IPO7: variants seen among roughly 807,000 people sequenced by gnomAD.
IPO7 encodes the protein importin 7.
IPO7 carries 13 observed loss-of-function variants against 136.4 expected under a neutral mutation model. The ratio of observed to expected loss-of-function variants is 0.10; its 90% confidence interval spans 0.06 to 0.15. IPO7 has a LOEUF of 0.15. Ranked by LOEUF, IPO7 falls within the 10% of genes least tolerant of loss-of-function variation. The pLI is 1.00. For synonymous variants in IPO7, 403 were observed against 404.4 expected, an observed-to-expected ratio of 1.00 and a Z score of 0.04; for missense variants, 857 against 1,240.6, an observed-to-expected ratio of 0.69 and a Z score of 4.65.
At chr11:9,414,207 A>C (rs377622731) in intron 4 of IPO7, 48 bp from the exon 5 acceptor site, 1 of 1,372,668 alleles carries the variant, frequency 7.3e-7, no homozygotes, top group African/African-American at 1.5e-5. Flanking sequence ...TATATATACA[A>C]TTGTGGAAAT....
intron 24 of IPO7, among the ~76,000 whole-genome samples, chr11:9,444,193 G>A (rs1007312695): frequency 6.0e-5 from 9 of 149,948 alleles, no homozygotes; most frequent in African/African-American, 2.0e-4. Context: ...CAGGAGAATC[G>A]CTCGAACCTG....
rs750016021 is a variant in IPO7, at chr11:9,438,006, G to T, written c.2489+32G>T. The stretch of plus-strand genomic sequence containing the variant: ...GATGTATTGCAATTTTACTACATTT[G>T]CTTTGGGAGGAACTCTGCTTATTTA... On this transcript the variant is annotated intron_variant, in intron 21 of 24. Transcript: ENST00000379719. The T allele has an allele frequency of 1.7e-5, 26 of 1,540,304 alleles. No homozygotes were observed. The Middle Eastern group carries it at 5.5e-4, about 33-fold the overall frequency.
At chr11:9,422,133 G>T (rs1410814237) in intron 8 of IPO7, among the ~76,000 whole-genome samples, 1 of 152,038 alleles carries the variant, frequency 6.6e-6, no homozygotes, top group Non-Finnish European at 1.5e-5. Context: ...TACAAAATCA[G>T]CCAGGTGTGG....
intron 1 of IPO7, among the ~76,000 whole-genome samples, chr11:9,387,503 C>G (rs541046782): frequency 5.1e-4 from 78 of 152,298 alleles, no homozygotes; most frequent in African/African-American, 1.8e-3. Context: ...CTCTATAGCA[C>G]TGATTTGTCA....
intron 6 of IPO7, 76 bp from the exon 7 acceptor site, chr11:9,420,335 T>C (rs1855109315): frequency 3.2e-6 from 3 of 934,014 alleles, no homozygotes; most frequent in Non-Finnish European, 5.0e-6. Flanking sequence ...TTCACATTTT[T>C]GTCAATCTAT....
At chr11:9,414,765 A>T (rs368162731) in intron 5 of IPO7, among the ~76,000 whole-genome samples, 2 of 150,190 alleles carry the variant, frequency 1.3e-5, no homozygotes, top group African/African-American at 4.9e-5. Flanking sequence ...AGCTGGGATT[A>T]CAGGCACGTG....
intron 6 of IPO7, among the ~76,000 whole-genome samples, chr11:9,417,963 T>C (rs1036057621): frequency 6.6e-6 from 1 of 150,658 alleles, no homozygotes; most frequent in Non-Finnish European, 1.5e-5. Context: ...TCCGCCCACC[T>C]TGGCCTCCCA....
chr11:9,420,421 A>G lies in IPO7; in HGVS notation c.737A>G (p.Gln246Arg). Residue 246 changes from glutamine to arginine, a missense_variant, in exon 7 of 25, where the codon CAA (glutamine) becomes CGA (arginine). Gln to Arg is a conservative substitution (Grantham distance 43, BLOSUM62 1). Transcript: ENST00000379719. ...AGTGTCTTTTTAAAGGAAACACTTC[A>G]AGTTGAAGAAGATGATCGACCTGAG... is the stretch of plus-strand genomic sequence containing the variant. ...VNRDVPNETL[Q>R]VEEDDRPELP... is the part of the protein sequence containing the mutation. The G allele has an allele frequency of 1.9e-6, 3 of 1,606,478 alleles. No individual in the cohort carries two copies. The highest frequency in any genetic ancestry group is 2.6e-6 in the Non-Finnish European group (3 of 1,174,846).
chr11:9,441,363 T>TTG (rs1004306994), intron 23 of IPO7, among the ~76,000 whole-genome samples: 8 of 152,228 alleles, frequency 5.3e-5, no homozygotes, highest in African/African-American at 1.7e-4. Flanking sequence ...GGTATAGCAT[T>TTG]TGTGTTTTAC....
At chr11:9,432,201 CTT>C (rs557417149) in intron 16 of IPO7, among the ~76,000 whole-genome samples, 22 of 134,778 alleles carry the variant, frequency 1.6e-4, no homozygotes, top group Non-Finnish European at 1.1e-4. Flanking sequence ...TTTCACTAAA[CTT>C]TTTTTTTTTT....
intron 1 of IPO7, 68 bp downstream of exon 1, chr11:9,384,915 G>C (rs1457076264): frequency 1.6e-5 from 20 of 1,278,366 alleles, no homozygotes; most frequent in Non-Finnish European, 2.2e-5. Flanking sequence ...CGAGCCCCCG[G>C]GGCCTGGCCG....
chr11:9,404,055 A>C (rs112471913), intron 2 of IPO7, among the ~76,000 whole-genome samples: 91 of 152,254 alleles, frequency 6.0e-4, no homozygotes, highest in African/African-American at 2.0e-3. Context: ...TTATTTGCAG[A>C]TGTAATAATT....
At chr11:9,405,855 C>G (rs1854875187) in intron 2 of IPO7, among the ~76,000 whole-genome samples, 1 of 151,798 alleles carries the variant, frequency 6.6e-6, no homozygotes, top group African/African-American at 2.4e-5. Context: ...CCTTCCCTTC[C>G]TTTCTTCCTT....
intron 24 of IPO7, among the ~76,000 whole-genome samples, chr11:9,442,634 C>T (rs1855474530): frequency 6.6e-6 from 1 of 152,084 alleles, no homozygotes; most frequent in African/African-American, 2.4e-5. Context: ...AGGATGGTAT[C>T]AATCTCCTGA....
At chr11:9,434,058 G>A (rs1259501389) in intron 18 of IPO7, among the ~76,000 whole-genome samples, 1 of 151,952 alleles carries the variant, frequency 6.6e-6, no homozygotes, top group Non-Finnish European at 1.5e-5. Flanking sequence ...CAAGTAGCTG[G>A]GATTACAGGC....
intron 1 of IPO7, 45 bp downstream of exon 1, chr11:9,384,892 AGAAGTGGCAGGCCGAGCCCCCGG>A: frequency 6.7e-7 from 1 of 1,484,252 alleles, no homozygotes; most frequent in Non-Finnish European, 9.2e-7. Flanking sequence ...GCGGGTGGGC[AGAAGTGGCAGGCCGAGCCCCCGG>A]GGCCTGGCCG....
intron 24 of IPO7, among the ~76,000 whole-genome samples, chr11:9,442,665 G>A (rs1295995975): frequency 9.2e-5 from 14 of 151,872 alleles, no homozygotes; most frequent in Admixed American, 8.5e-4. Flanking sequence ...CGCCCGCCTC[G>A]GCCTCCCAAA....
chr11:9,387,176 C>T (rs1174168032), intron 1 of IPO7, among the ~76,000 whole-genome samples: 2 of 152,134 alleles, frequency 1.3e-5, no homozygotes, highest in African/African-American at 2.4e-5. Flanking sequence ...TCTCTCATTC[C>T]AGTGAAGCTG....
chr11:9,433,468 A>G (rs1346700628), intron 16 of IPO7, 102 bp from the exon 17 acceptor site: 7 of 733,520 alleles, frequency 9.5e-6, no homozygotes, highest in African/African-American at 3.5e-5. Flanking sequence ...TTTTTTCACA[A>G]TATTGACTTT....
Sources: allele counts gnomAD v4.1 joint callset (sites outside exome capture counted in the v4.1 genomes callset), GRCh38; gene constraint gnomAD v4.1.1; transcripts MANE v1.5; gene names NCBI Gene and HGNC (gene_info 2026-07-23, HGNC 2026-07-21).